Variants in MAN2A1 observed in about 807,000 individuals in gnomAD.
MAN2A1 encodes the protein mannosidase alpha class 2A member 1, also known as alpha-mannosidase 2.
MAN2A1 carries 76 observed loss-of-function variants against 142.6 expected under a neutral mutation model. That is an observed-to-expected ratio of 0.53 (90% CI 0.44 to 0.65). MAN2A1 has a LOEUF of 0.65. MAN2A1 is among the 30% of genes least tolerant of loss of function. The probability of loss-of-function intolerance (pLI) is 0.00; values close to 1 mark genes in which losing one functional copy is unlikely to be tolerated. For missense variants in MAN2A1, 1,311 were observed against 1,365.1 expected, an observed-to-expected ratio of 0.96 and a Z score of 0.62; for synonymous variants, 559 against 473.2, an observed-to-expected ratio of 1.18 and a Z score of -2.35.
chr5:109,851,724 G>C (rs973192355), intron 19 of MAN2A1, among the ~76,000 whole-genome samples: 1 of 152,038 alleles, frequency 6.6e-6, no homozygotes, highest in Non-Finnish European at 1.5e-5. Context: ...TTTCTTTGAC[G>C]GTTTATCCTT....
At chr5:109,847,322 C>T (rs892959540) in intron 18 of MAN2A1, among the ~76,000 whole-genome samples, 1 of 152,054 alleles carries the variant, frequency 6.6e-6, no homozygotes. Context: ...CTAAAAGTTT[C>T]GGAGAACTTA....
chr5:109,782,581 C>T (rs78207384), intron 9 of MAN2A1, among the ~76,000 whole-genome samples: 3,120 of 152,046 alleles, frequency 0.021, 103 homozygotes, highest in African/African-American at 0.071. Flanking sequence ...TTGTACTTAC[C>T]GTCTTTTATA....
intron 9 of MAN2A1, among the ~76,000 whole-genome samples, chr5:109,783,570 A>G (rs1753515962): frequency 6.6e-6 from 1 of 152,148 alleles, no homozygotes; most frequent in South Asian, 2.1e-4. Flanking sequence ...GATTATTTCT[A>G]CAGTTTAGAG....
chr5:109,713,998 C>G (rs34120805), intron 2 of MAN2A1, among the ~76,000 whole-genome samples: 1 of 151,924 alleles, frequency 6.6e-6, no homozygotes, highest in African/African-American at 2.4e-5. Flanking sequence ...TTTATACTTA[C>G]GTGAATACAG....
chr5:109,776,764 C>T lies in MAN2A1; in HGVS notation c.1374+1799C>T, dbSNP rs1028216850. 5.3e-5 allele frequency among the ~76,000 whole-genome samples: 8 copies of T among 152,200 alleles called. No homozygotes were observed. The East Asian group carries it at 7.7e-4, about 15-fold the overall frequency. ...TCTCTTTCCAGTCATCACCAACTGC[C>T]GCAAAAGCAACCACTACTTTCACAT... is the stretch of plus-strand genomic sequence containing the variant. On this transcript the variant is annotated intron_variant, in intron 8 of 21. Transcript: ENST00000261483.
At chr5:109,715,758 C>T (rs1338909100) in intron 2 of MAN2A1, among the ~76,000 whole-genome samples, 1 of 152,054 alleles carries the variant, frequency 6.6e-6, no homozygotes, top group Non-Finnish European at 1.5e-5. Flanking sequence ...TTTGAAAATG[C>T]TGAAATATCT....
At chr5:109,718,685 C>A (rs1021592634) in intron 3 of MAN2A1, among the ~76,000 whole-genome samples, 1 of 152,198 alleles carries the variant, frequency 6.6e-6, no homozygotes, top group Admixed American at 6.5e-5. Flanking sequence ...TGCACACACA[C>A]GCCTCCACGC....
At chr5:109,781,087 T>C (rs1435405886) in intron 8 of MAN2A1, among the ~76,000 whole-genome samples, 1 of 152,184 alleles carries the variant, frequency 6.6e-6, no homozygotes, top group Non-Finnish European at 1.5e-5. Flanking sequence ...GCCCAAATCA[T>C]TGTACACTTT....
intron 16 of MAN2A1, among the ~76,000 whole-genome samples, chr5:109,831,169 C>T (rs1348978030): frequency 6.6e-6 from 1 of 152,208 alleles, no homozygotes; most frequent in African/African-American, 2.4e-5. Context: ...TTTTATCATC[C>T]TGAAATGTTG....
chr5:109,760,406 C>T (rs976119757), intron 5 of MAN2A1, among the ~76,000 whole-genome samples: 2 of 152,056 alleles, frequency 1.3e-5, no homozygotes, highest in African/African-American at 4.8e-5. Context: ...GGGTTGGTTC[C>T]AAGTCTTTGC....
At chr5:109,735,083 T>C (rs1401047806) in intron 4 of MAN2A1, among the ~76,000 whole-genome samples, 3 of 152,216 alleles carry the variant, frequency 2.0e-5, no homozygotes, top group African/African-American at 7.2e-5. Context: ...ATATTTAGGA[T>C]AGTTAGCTCT....
intron 6 of MAN2A1, among the ~76,000 whole-genome samples, chr5:109,768,908 T>A (rs546337146): frequency 6.6e-6 from 1 of 152,220 alleles, no homozygotes; most frequent in Non-Finnish European, 1.5e-5. Flanking sequence ...TATGAAATTA[T>A]TGAGTACTTT....
intron 16 of MAN2A1, among the ~76,000 whole-genome samples, chr5:109,830,813 G>T (rs1485320885): frequency 6.6e-6 from 1 of 152,150 alleles, no homozygotes; most frequent in South Asian, 2.1e-4. Flanking sequence ...GCTATGTGAC[G>T]AATCTGATCA....
intron 12 of MAN2A1, among the ~76,000 whole-genome samples, chr5:109,800,016 A>G (rs969804216): frequency 6.8e-6 from 1 of 147,194 alleles, no homozygotes; most frequent in African/African-American, 2.5e-5. Context: ...TGAACCGGGG[A>G]GGTGGAGGTT....
chr5:109,753,808 T>C (rs1752609476), intron 4 of MAN2A1, among the ~76,000 whole-genome samples: 1 of 152,198 alleles, frequency 6.6e-6, no homozygotes, highest in African/African-American at 2.4e-5. Context: ...GCTGCTTTGC[T>C]TCTTTCTGAA....
intron 5 of MAN2A1, among the ~76,000 whole-genome samples, chr5:109,761,330 C>A (rs1004236742): frequency 1.3e-5 from 2 of 151,462 alleles, no homozygotes; most frequent in Non-Finnish European, 2.9e-5. Context: ...TTTAGCTGTT[C>A]TGTATTAAGT....
At position 109,716,216 on chromosome 5, in the gene MAN2A1, A is replaced by G. The variant is rs1282578000; in HGVS notation, c.487A>G (p.Thr163Ala). 13 of 1,611,064 alleles carry G rather than the reference A, an allele frequency of 8.1e-6. No homozygotes were observed. The East Asian group carries it at 8.9e-5, about 11-fold the overall frequency. Residue 163 changes from threonine to alanine, a missense_variant, in exon 3 of 22, where the codon ACT (threonine) becomes GCT (alanine). Transcript: ENST00000261483. Reference sequence around the variant, plus strand: ...TACTTATGAATCTAATGAATGGGACACTGAACCCCTTCAAGTCTTTGTGGT... The same window carrying G: ...TACTTATGAATCTAATGAATGGGACGCTGAACCCCTTCAAGTCTTTGTGGT... ...DITYESNEWD[T>A]EPLQVFVVPH...
At chr5:109,719,179 G>T (rs1486778253) in intron 3 of MAN2A1, among the ~76,000 whole-genome samples, 1 of 152,028 alleles carries the variant, frequency 6.6e-6, no homozygotes, top group Non-Finnish European at 1.5e-5. Flanking sequence ...ATCTCTTTTG[G>T]TATCCTAGTA....
chr5:109,798,679 G>GTTTT (rs869032125), intron 12 of MAN2A1, among the ~76,000 whole-genome samples: 4 of 151,886 alleles, frequency 2.6e-5, no homozygotes, highest in Admixed American at 1.3e-4. Flanking sequence ...TGTTTGTTTT[G>GTTTT]TTTTGTTTTG....
Sources: allele counts gnomAD v4.1 joint callset (sites outside exome capture counted in the v4.1 genomes callset), GRCh38; gene constraint gnomAD v4.1.1; transcripts MANE v1.5; gene names NCBI Gene and HGNC (gene_info 2026-07-23, HGNC 2026-07-21).